The following NHSL1 variants were observed in gnomAD, a reference collection of about 807,000 sequenced individuals.
NHSL1 encodes the protein NHS-like protein 1.
A neutral mutation model predicts 95.0 loss-of-function variants in NHSL1; 48 were observed. The ratio of observed to expected loss-of-function variants is 0.51; its 90% CI spans 0.40 to 0.64. NHSL1 has a LOEUF of 0.64. Ranked by LOEUF, NHSL1 falls within the 30% of genes least tolerant of loss-of-function variation. The pLI, the probability that NHSL1 is intolerant of heterozygous loss-of-function variation, is 0.00. For missense variants in NHSL1, 1,971 were observed against 2,077.7 expected (o/e 0.95, Z 1.00); for synonymous variants, 783 against 833.9 (o/e 0.94, Z 1.05).
chr6:138,471,933 C>T (rs984044112), intron 3 of NHSL1, among the ~76,000 whole-genome samples: 1 of 152,004 alleles, frequency 6.6e-6, no homozygotes, highest in African/African-American at 2.4e-5. Context: ...AATCCCAGCA[C>T]TTTGGGAGGC....
At chr6:138,468,524 C>T (rs954921597) in intron 3 of NHSL1, among the ~76,000 whole-genome samples, 17 of 152,160 alleles carry the variant, frequency 1.1e-4, no homozygotes, top group African/African-American at 3.9e-4. Flanking sequence ...GAGCGCAAAC[C>T]CTATTGTGAA....
At chr6:138,652,239 C>T (rs112272877) in intron 1 of NHSL1, among the ~76,000 whole-genome samples, 6,351 of 151,792 alleles carry the variant, frequency 0.042, 347 homozygotes, top group African/African-American at 0.13. Context: ...GTCAGGAGTT[C>T]GAGACCAGCC....
intron 3 of NHSL1, among the ~76,000 whole-genome samples, chr6:138,450,738 A>C (rs1777175540): frequency 6.6e-6 from 1 of 152,184 alleles, no homozygotes; most frequent in Non-Finnish European, 1.5e-5. Flanking sequence ...GCACAGATAA[A>C]GTTATATGCA....
chr6:138,629,367 G>A (rs1280175885), intron 1 of NHSL1, among the ~76,000 whole-genome samples: 2 of 150,928 alleles, frequency 1.3e-5, no homozygotes, highest in Non-Finnish European at 2.9e-5. Context: ...TTTTACATCA[G>A]TATTTCTTTC....
intron 1 of NHSL1, chr6:138,650,346 CG>C: frequency 3.8e-6 from 4 of 1,046,608 alleles, no homozygotes; most frequent in Non-Finnish European, 4.4e-6. Flanking sequence ...CGGGGAGTAA[CG>C]GGGGAGCCCA....
At chr6:138,637,538 T>C (rs925940330) in intron 1 of NHSL1, among the ~76,000 whole-genome samples, 2 of 152,058 alleles carry the variant, frequency 1.3e-5, no homozygotes, top group Admixed American at 6.6e-5. Context: ...GGAACCCACC[T>C]CTATCAGCAA....
chr6:138,423,860 C>G lies in NHSL1; in HGVS notation c.*221G>C, dbSNP rs1255388953. 4 of 323,904 alleles carry G rather than the reference C, an allele frequency of 1.2e-5. No homozygotes were observed. Among genetic ancestry groups the G allele is most frequent in the Non-Finnish European group, 2.2e-5 (4 of 181,968 alleles). 20.1% of individuals were successfully genotyped at this position (323,904 alleles called of 1,614,324 possible). ...AAAAATCTTCCCCGGGAAGCACTTT[C>G]AGAAGTTTAAGCTTCTACTTGTTCT... On this transcript the variant is annotated 3_prime_UTR_variant, in exon 8 of 8. Transcript: ENST00000343505.
At chr6:138,671,851 T>C (rs1436733527) in intron 1 of NHSL1, among the ~76,000 whole-genome samples, 1 of 152,048 alleles carries the variant, frequency 6.6e-6, no homozygotes, top group African/African-American at 2.4e-5. Context: ...GCTCGAATGG[T>C]GGACACTGCT....
chr6:138,670,034 C>G (rs201448837), intron 1 of NHSL1, among the ~76,000 whole-genome samples: 2 of 151,952 alleles, frequency 1.3e-5, no homozygotes, highest in Admixed American at 1.3e-4. Context: ...GGCAGGAGAA[C>G]TGCTTGAACC....
At chr6:138,667,340 G>A (rs1785308106) in intron 1 of NHSL1, among the ~76,000 whole-genome samples, 1 of 152,160 alleles carries the variant, frequency 6.6e-6, no homozygotes, top group Non-Finnish European at 1.5e-5. Context: ...ATAACCTGAA[G>A]TCACAGAAAA....
rs1228253289 is a variant in NHSL1, at chr6:138,432,334, G to T, written c.2011C>A (p.Pro671Thr). The part of the protein sequence containing the change: ...RNISLKKAKK[P>T]PLPPSRTDSL... ...TCTGTCCGGGAGGGTGGCAGGGGAG[G>T]CTTCTTTGCTTTCTTCAAAGAGATG... The change falls in exon 6 of 8, where the codon CCT becomes ACT. Residue 671 changes from proline to threonine, a missense_variant. Pro to Thr is a conservative substitution (Grantham distance 38). This residue lies in a region of NHSL1 where 1,602 missense variants were observed against 1,654.5 expected (regional missense o/e 0.97). Transcript: ENST00000343505. The surrounding 1 kb of genome is among the most constrained non-coding windows in gnomAD (Gnocchi z 4.4). The T allele has an allele frequency of 6.4e-7, 1 of 1,551,594 alleles. No individual in the cohort carries two copies. Among genetic ancestry groups the T allele is most frequent in the Non-Finnish European group, 8.7e-7 (1 of 1,147,004 alleles).
intron 2 of NHSL1, among the ~76,000 whole-genome samples, chr6:138,479,864 T>A (rs1410335751): frequency 6.6e-6 from 1 of 152,120 alleles, no homozygotes. Flanking sequence ...GCAGTGAAAA[T>A]TTTCCCAAGT....
chr6:138,652,136 T>C (rs1352758733), intron 1 of NHSL1, among the ~76,000 whole-genome samples: 4 of 152,236 alleles, frequency 2.6e-5, no homozygotes, highest in East Asian at 1.9e-4. Flanking sequence ...TAATACCTTA[T>C]AAAATTTAAA....
intron 1 of NHSL1, among the ~76,000 whole-genome samples, chr6:138,612,214 T>C (rs779194543): frequency 6.6e-6 from 1 of 152,106 alleles, no homozygotes; most frequent in Non-Finnish European, 1.5e-5. Context: ...GAAGTATCTA[T>C]TAAAATTTGA....
At chr6:138,450,375 G>T (rs1777151373) in intron 3 of NHSL1, among the ~76,000 whole-genome samples, 1 of 152,202 alleles carries the variant, frequency 6.6e-6, no homozygotes, top group Admixed American at 6.5e-5. Context: ...AAGCTTGAAG[G>T]CAGTAAGAAG....
At chr6:138,567,752 G>A (rs150260537) in intron 1 of NHSL1, among the ~76,000 whole-genome samples, 434 of 152,184 alleles carry the variant, frequency 2.9e-3, no homozygotes, top group Non-Finnish European at 5.1e-3. Context: ...CATTTTTGTA[G>A]TGGCTGAGAA....
At position 138,659,248 on chromosome 6, in the gene NHSL1, C is replaced by T. The variant is rs562836865; in HGVS notation, c.96+33228G>A. Among the ~76,000 whole-genome samples the T allele has an allele frequency of 4.6e-5, 7 of 152,024 alleles. 1 individual carries two copies. Among genetic ancestry groups the T allele is most frequent in the African/African-American group, 1.7e-4 (7 of 41,446 alleles). ...TATTTTTAGTAAAGACGGGGTTTCA[C>T]CATGTTGGCCAGGCTGGTCTCGAAC... On this transcript the variant is annotated intron_variant, in intron 1 of 3. Coordinates refer to the NHSL1 transcript ENST00000491526.
intron 1 of NHSL1, among the ~76,000 whole-genome samples, chr6:138,668,063 G>A (rs952762550): frequency 6.6e-6 from 1 of 151,172 alleles, no homozygotes; most frequent in African/African-American, 2.5e-5. Flanking sequence ...CATTTTAGTG[G>A]ACACACACCA....
chr6:138,645,508 T>C (rs1005144214), intron 1 of NHSL1, among the ~76,000 whole-genome samples: 1 of 151,664 alleles, frequency 6.6e-6, no homozygotes, highest in Non-Finnish European at 1.5e-5. Flanking sequence ...TTTTTCTTTT[T>C]TCTTTTTTTT....
Sources: allele counts gnomAD v4.1 joint callset (sites outside exome capture counted in the v4.1 genomes callset), GRCh38; gene constraint gnomAD v4.1.1; regional missense constraint gnomAD v4.1.1; non-coding constraint Gnocchi (gnomAD v3.1); transcripts MANE v1.5; gene names NCBI Gene and HGNC (gene_info 2026-07-23, HGNC 2026-07-21).